AKAP19: variants seen among roughly 807,000 people sequenced by gnomAD.
AKAP19 encodes the protein A-kinase anchoring protein 19.
the AKAP19 span, among the ~76,000 whole-genome samples, chr2:190,098,176 G>A: frequency 6.6e-6 from 1 of 152,044 alleles, no homozygotes; most frequent in South Asian, 2.1e-4. Context: ...AGTTTACTTT[G>A]CCCAGATTTA....
At chr2:189,991,567 GT>G in the AKAP19 span, among the ~76,000 whole-genome samples, 1 of 151,976 alleles carries the variant, frequency 6.6e-6, no homozygotes, top group Non-Finnish European at 1.5e-5. Flanking sequence ...TTGCTGATTT[GT>G]TTGAATTCTT....
chr2:190,067,284 T>C, the AKAP19 span, among the ~76,000 whole-genome samples: 1 of 152,174 alleles, frequency 6.6e-6, no homozygotes, highest in Admixed American at 6.5e-5. Flanking sequence ...TTAGTATTAT[T>C]ATGAAAACAG....
the AKAP19 span, among the ~76,000 whole-genome samples, chr2:189,893,074 G>A: frequency 2.0e-5 from 3 of 152,056 alleles, no homozygotes; most frequent in Non-Finnish European, 4.4e-5. Flanking sequence ...AATGGCCGTC[G>A]CCCCTCCCCC....
At chr2:189,989,316 A>T in the AKAP19 span, among the ~76,000 whole-genome samples, 1 of 152,206 alleles carries the variant, frequency 6.6e-6, no homozygotes, top group African/African-American at 2.4e-5. Context: ...AGCAAAGGAA[A>T]AGCAGAACAA....
the AKAP19 span, among the ~76,000 whole-genome samples, chr2:189,973,465 C>T: frequency 6.6e-6 from 1 of 152,208 alleles, no homozygotes; most frequent in Admixed American, 6.5e-5. Context: ...TGTGTCTCTG[C>T]CAGGCTTTGG....
chr2:190,031,479 G>A, the AKAP19 span, among the ~76,000 whole-genome samples: 2 of 152,168 alleles, frequency 1.3e-5, no homozygotes, highest in Middle Eastern at 6.8e-3. Context: ...AAATATCAGA[G>A]AGCTCTTAAA....
chr2:189,913,136 G>A, the AKAP19 span, among the ~76,000 whole-genome samples: 1 of 152,022 alleles, frequency 6.6e-6, no homozygotes, highest in African/African-American at 2.4e-5. Flanking sequence ...TGCTTTAAAT[G>A]TACATGTTAA....
chr2:190,111,935 T>C, the AKAP19 span, among the ~76,000 whole-genome samples: 2 of 152,198 alleles, frequency 1.3e-5, no homozygotes, highest in Non-Finnish European at 2.9e-5. Flanking sequence ...TCTCGCTCTG[T>C]CGCCCAGGCT....
chr2:189,892,163 G>C, the AKAP19 span, among the ~76,000 whole-genome samples: 1 of 151,840 alleles, frequency 6.6e-6, no homozygotes, highest in Non-Finnish European at 1.5e-5. Context: ...TAGCGTCCGT[G>C]CATTGCATTA....
the AKAP19 span, among the ~76,000 whole-genome samples, chr2:190,044,109 T>C: frequency 2.0e-5 from 3 of 152,174 alleles, no homozygotes; most frequent in Admixed American, 6.5e-5. Context: ...GCTTTGAAAG[T>C]GTGGGTTCCT....
At chr2:190,145,047 G>A in the AKAP19 span, among the ~76,000 whole-genome samples, 5 of 152,176 alleles carry the variant, frequency 3.3e-5, no homozygotes, top group Non-Finnish European at 7.3e-5. Flanking sequence ...CACTTTGAGA[G>A]GCTAAGATGG....
chr2:189,880,773 C>A, the AKAP19 span, among the ~76,000 whole-genome samples: 1 of 152,078 alleles, frequency 6.6e-6, no homozygotes, highest in South Asian at 2.1e-4. Context: ...CTAATTAATG[C>A]AAAGGAAATA....
the AKAP19 span, among the ~76,000 whole-genome samples, chr2:189,931,656 C>A: frequency 1.3e-5 from 2 of 151,934 alleles, no homozygotes; most frequent in African/African-American, 4.8e-5. Flanking sequence ...CTCAAGTGAT[C>A]CTCCTGCCTC....
chr2:189,985,508 C>A, the AKAP19 span, among the ~76,000 whole-genome samples: 1 of 152,172 alleles, frequency 6.6e-6, no homozygotes, highest in Non-Finnish European at 1.5e-5. Flanking sequence ...TTGCTTTGAA[C>A]TGCCTGTGAA....
At chr2:190,030,753 C>T in the AKAP19 span, among the ~76,000 whole-genome samples, 1 of 152,148 alleles carries the variant, frequency 6.6e-6, no homozygotes, top group East Asian at 1.9e-4. Context: ...TCAATGTCAG[C>T]CTTGAAAGTG....
chr2:190,084,664 C>T, the AKAP19 span, among the ~76,000 whole-genome samples: 5 of 152,094 alleles, frequency 3.3e-5, no homozygotes, highest in African/African-American at 1.2e-4. Flanking sequence ...ACCCACTTGT[C>T]GACTATTTTT....
At chr2:190,099,446 C>G in the AKAP19 span, among the ~76,000 whole-genome samples, 1 of 152,144 alleles carries the variant, frequency 6.6e-6, no homozygotes. Flanking sequence ...TTATTAAGTT[C>G]ACTGTCTTAT....
At chr2:189,924,944 G>A in the AKAP19 span, among the ~76,000 whole-genome samples, 2 of 152,086 alleles carry the variant, frequency 1.3e-5, no homozygotes, top group Non-Finnish European at 2.9e-5. Context: ...TTATACTGCT[G>A]TTAACCATGA....
the AKAP19 span, among the ~76,000 whole-genome samples, chr2:190,031,207 T>A: frequency 2.0e-5 from 3 of 152,176 alleles, no homozygotes; most frequent in African/African-American, 4.8e-5. Flanking sequence ...CTGGAAATTT[T>A]GAATACTGTA....
Sources: gnomAD v4.1 joint callset for allele counts (sites outside exome capture counted in the v4.1 genomes callset) on GRCh38, gnomAD v4.1.1 for gene constraint, MANE v1.5 for transcripts, NCBI Gene and HGNC (gene_info 2026-07-23, HGNC 2026-07-21) for gene names.